The following EPHA3 variants were observed in gnomAD, a reference collection of about 807,000 sequenced individuals.
EPHA3 encodes the protein EPH receptor A3, also known as ephrin type-A receptor 3.
EPHA3 carries 42 observed loss-of-function variants against 107.1 expected under a neutral mutation model. The ratio of observed to expected loss-of-function variants is 0.39; its 90% CI spans 0.31 to 0.51. The LOEUF is 0.51. EPHA3 is among the 20% of genes least tolerant of loss of function. The probability of loss-of-function intolerance (pLI) is 0.78; values close to 1 mark genes in which losing one functional copy is unlikely to be tolerated. For synonymous variants in EPHA3, 461 were observed against 424.8 expected (o/e 1.09, Z -1.05); for missense variants, 1,183 against 1,211.2 (o/e 0.98, Z 0.35).
intron 3 of EPHA3, among the ~76,000 whole-genome samples, chr3:89,275,909 G>A (rs950339785): frequency 1.8e-4 from 27 of 152,136 alleles, no homozygotes; most frequent in Admixed American, 5.9e-4. Flanking sequence ...GCAATGCAAT[G>A]CAATACAATA....
chr3:89,316,994 C>T (rs1706924274), intron 3 of EPHA3, among the ~76,000 whole-genome samples: 1 of 151,650 alleles, frequency 6.6e-6, no homozygotes, highest in Non-Finnish European at 1.5e-5. Context: ...AGTGTCCAAA[C>T]TCTGATGCTC....
intron 5 of EPHA3, among the ~76,000 whole-genome samples, chr3:89,380,563 C>A (rs1708481569): frequency 6.6e-6 from 1 of 152,118 alleles, no homozygotes; most frequent in Admixed American, 6.5e-5. Context: ...GACTAAACAA[C>A]ATTGTTTATT....
In EPHA3 at chr3:89,263,580, G is replaced by T. The variant is rs1410789582; in HGVS notation, c.814+53060G>T. 2.0e-5 allele frequency among the ~76,000 whole-genome samples: 3 copies of T among 152,052 alleles called. No homozygotes were observed. The East Asian group carries it at 5.8e-4, about 29-fold the overall frequency. On this transcript the variant is annotated intron_variant, in intron 3 of 16. Coordinates refer to ENST00000336596, the MANE Select transcript of EPHA3 (RefSeq NM_005233.6). ...TCTTCCCCTGAAGTCTGGCCATCTC[G>T]GGCCAGATTCATTTCTGAAGTTACG...
intron 3 of EPHA3, among the ~76,000 whole-genome samples, chr3:89,294,910 G>A (rs557212977): frequency 6.6e-6 from 1 of 151,994 alleles, no homozygotes; most frequent in South Asian, 2.1e-4. Flanking sequence ...TCATATTTTT[G>A]TATTCTTATT....
chr3:89,228,628 C>A (rs150632085), intron 3 of EPHA3, among the ~76,000 whole-genome samples: 10 of 151,868 alleles, frequency 6.6e-5, no homozygotes, highest in African/African-American at 2.4e-4. Flanking sequence ...ACTGATTAAC[C>A]ATTAAGGCAT....
chr3:89,261,867 A>C (rs2107281757), intron 3 of EPHA3, among the ~76,000 whole-genome samples: 1 of 151,072 alleles, frequency 6.6e-6, no homozygotes, highest in East Asian at 2.0e-4. Context: ...TTTTAATGGC[A>C]AAAACCGCAA....
chr3:89,180,281 G>T (rs1184911593), intron 2 of EPHA3, among the ~76,000 whole-genome samples: 3 of 151,242 alleles, frequency 2.0e-5, no homozygotes, highest in Non-Finnish European at 1.5e-5. Context: ...TTTAGGCATT[G>T]TCCTTTATGC....
intron 3 of EPHA3, among the ~76,000 whole-genome samples, chr3:89,216,032 T>C (rs1204475804): frequency 6.6e-6 from 1 of 151,990 alleles, no homozygotes; most frequent in African/African-American, 2.4e-5. Flanking sequence ...TTTGGGCTTT[T>C]AGATGCTTTG....
intron 5 of EPHA3, among the ~76,000 whole-genome samples, chr3:89,378,926 A>C (rs1243923065): frequency 6.6e-6 from 1 of 152,178 alleles, no homozygotes; most frequent in African/African-American, 2.4e-5. Flanking sequence ...TAATGGCAAA[A>C]ATAAGTATTG....
chr3:89,135,868 A>G (rs1309004009), intron 2 of EPHA3, among the ~76,000 whole-genome samples: 1 of 152,066 alleles, frequency 6.6e-6, no homozygotes, highest in Non-Finnish European at 1.5e-5. Context: ...AGCAAATCAT[A>G]GAACTGTTTA....
chr3:89,273,593 C>T (rs1470223693), intron 3 of EPHA3, among the ~76,000 whole-genome samples: 4 of 151,768 alleles, frequency 2.6e-5, no homozygotes, highest in Non-Finnish European at 5.9e-5. Flanking sequence ...TTTTCTTTAT[C>T]CATGGTAGTT....
chr3:89,187,561 G>A (rs967378631), intron 2 of EPHA3, among the ~76,000 whole-genome samples: 1 of 151,794 alleles, frequency 6.6e-6, no homozygotes, highest in Non-Finnish European at 1.5e-5. Context: ...TAAAAAATAT[G>A]TTAATTTAAA....
intron 3 of EPHA3, among the ~76,000 whole-genome samples, chr3:89,279,611 AT>A (rs922475519): frequency 2.6e-5 from 4 of 151,838 alleles, no homozygotes; most frequent in Non-Finnish European, 5.9e-5. Context: ...TGGCTAATTG[AT>A]TTTTTTTCTC....
chr3:89,120,112 A>G (rs1707343869), intron 1 of EPHA3, among the ~76,000 whole-genome samples: 1 of 152,178 alleles, frequency 6.6e-6, no homozygotes, highest in Non-Finnish European at 1.5e-5. Context: ...CATATGCTGT[A>G]GTTTAAACTG....
At chr3:89,351,151 C>A (rs1462979552) in intron 5 of EPHA3, among the ~76,000 whole-genome samples, 4 of 151,278 alleles carry the variant, frequency 2.6e-5, no homozygotes, top group Non-Finnish European at 5.9e-5. Flanking sequence ...CCACCCAGTT[C>A]GAGCTTCCCC....
chr3:89,219,688 G>GTGTTTTTTTTTGTTTTTTTTTTTT lies in EPHA3; in HGVS notation c.814+9169_814+9170insGTTTTTTTTTGTTTTTTTTTTTTT. 8.7e-3 allele frequency among the ~76,000 whole-genome samples: 300 copies of GTGTTTTTTTTTGTTTTTTTTTTTT among 34,434 alleles called. 95 individuals are homozygous for GTGTTTTTTTTTGTTTTTTTTTTTT. The highest frequency in any genetic ancestry group is 0.015 in the Admixed American group (38 of 2,502). 22.6% of individuals were successfully genotyped at this position (34,434 alleles called of 152,430 possible). A position where few individuals can be genotyped will look rare whatever the true frequency, so the allele number is the denominator to read the frequency against. On this transcript the variant is annotated intron_variant, in intron 3 of 16. Coordinates refer to ENST00000336596, the MANE Select transcript of EPHA3 (RefSeq NM_005233.6). The stretch of plus-strand genomic sequence containing the variant: ...TTACCTCCAAGAGGCATTTGGCAAT[G>GTGTTTTTTTTTGTTTTTTTTTTTT]TTTTTTTTTTTTTTGTTTTTTGTTT...
At chr3:89,194,066 T>C (rs2107146237) in intron 2 of EPHA3, among the ~76,000 whole-genome samples, 1 of 152,150 alleles carries the variant, frequency 6.6e-6, no homozygotes, top group African/African-American at 2.4e-5. Context: ...TCACTTATGA[T>C]TTATTTATAA....
chr3:89,271,568 T>A lies in EPHA3; in HGVS notation c.814+61048T>A, dbSNP rs77945466. 6.7e-3 allele frequency among the ~76,000 whole-genome samples: 1,017 copies of A among 152,088 alleles called. 11 individuals are homozygous for A. The highest frequency in any genetic ancestry group is 0.024 in the African/African-American group (984 of 41,504). ...TTTATATTCAAGTCTTCCATTTAAC[T>A]GGTAGTATGTAAAACAAAACGTATA... On this transcript the variant is annotated intron_variant, in intron 3 of 16. Transcript: ENST00000336596.
At chr3:89,139,082 T>C (rs1432565279) in intron 2 of EPHA3, among the ~76,000 whole-genome samples, 1 of 151,884 alleles carries the variant, frequency 6.6e-6, no homozygotes, top group African/African-American at 2.4e-5. Flanking sequence ...AGGTTAAGAA[T>C]AAGCTAATTT....
Sources: gnomAD v4.1 joint callset for allele counts (sites outside exome capture counted in the v4.1 genomes callset) on GRCh38, gnomAD v4.1.1 for gene constraint, MANE v1.5 for transcripts, NCBI Gene and HGNC (gene_info 2026-07-23, HGNC 2026-07-21) for gene names.